The following MAGI2 variants were observed in gnomAD, a reference collection of about 807,000 sequenced individuals.
MAGI2 encodes the protein membrane-associated guanylate kinase, WW and PDZ domain-containing protein 2.
In MAGI2, 35 loss-of-function variants were observed where a neutral mutation model predicts 133.3. That is an observed-to-expected ratio of 0.26 (90% CI 0.20 to 0.35). The LOEUF is 0.35. Among genes scored for constraint, MAGI2 ranks in the 10% least tolerant of loss-of-function variants. The pLI is 1.00. For synonymous variants in MAGI2, 729 were observed against 710.6 expected (o/e 1.03, Z -0.41); for missense variants, 1,636 against 1,863.4 (o/e 0.88, Z 2.25).
chr7:79,271,621 A>G (rs971934767), intron 1 of MAGI2, among the ~76,000 whole-genome samples: 8 of 151,642 alleles, frequency 5.3e-5, no homozygotes, highest in African/African-American at 1.9e-4. Flanking sequence ...TAGGGATAAT[A>G]AGGAAAACAA....
intron 1 of MAGI2, among the ~76,000 whole-genome samples, chr7:79,093,009 A>G (rs1472890631): frequency 1.3e-5 from 2 of 152,186 alleles, no homozygotes; most frequent in Non-Finnish European, 2.9e-5. Context: ...ATAGTTGGCA[A>G]AAGATTATTA....
At chr7:78,284,218 T>A (rs1405848663) in intron 9 of MAGI2, among the ~76,000 whole-genome samples, 1 of 152,128 alleles carries the variant, frequency 6.6e-6, no homozygotes, top group Non-Finnish European at 1.5e-5. Flanking sequence ...AACCTTCCCC[T>A]AGGCAAATGT....
intron 2 of MAGI2, among the ~76,000 whole-genome samples, chr7:78,654,705 A>G (rs35569184): frequency 0.26 from 420 of 1,590 alleles, 7 homozygotes; most frequent in East Asian, 0.39. Context: ...ACATATATGT[A>G]TATATATATA....
At chr7:78,497,554 A>G (rs570104729) in intron 5 of MAGI2, among the ~76,000 whole-genome samples, 1 of 152,294 alleles carries the variant, frequency 6.6e-6, no homozygotes, top group East Asian at 1.9e-4. Flanking sequence ...CTATTTTGCA[A>G]TATCACATAA....
chr7:78,793,099 G>T (rs1787310792), intron 2 of MAGI2, among the ~76,000 whole-genome samples: 1 of 152,162 alleles, frequency 6.6e-6, no homozygotes, highest in African/African-American at 2.4e-5. Context: ...TTTAAGAGTT[G>T]GTGTGCAATT....
chr7:79,397,856 T>C (rs1320503413), intron 1 of MAGI2, among the ~76,000 whole-genome samples: 3 of 152,218 alleles, frequency 2.0e-5, no homozygotes, highest in Non-Finnish European at 4.4e-5. Context: ...TAAGATATCA[T>C]ATATATTTCA....
chr7:78,739,904 A>T (rs1465611110), intron 2 of MAGI2, among the ~76,000 whole-genome samples: 1 of 152,112 alleles, frequency 6.6e-6, no homozygotes, highest in Non-Finnish European at 1.5e-5. Flanking sequence ...CACGCCTGTA[A>T]TCCCAGCACT....
At chr7:78,437,559 G>T (rs1345590260) in intron 6 of MAGI2, among the ~76,000 whole-genome samples, 4 of 152,240 alleles carry the variant, frequency 2.6e-5, no homozygotes, top group African/African-American at 9.6e-5. Context: ...CAGCCTCTGT[G>T]CCCTCATCTT....
At chr7:78,226,119 TGCCA>T (rs1789351462) in intron 10 of MAGI2, among the ~76,000 whole-genome samples, 1 of 152,166 alleles carries the variant, frequency 6.6e-6, no homozygotes, top group African/African-American at 2.4e-5. Flanking sequence ...CATGTCAATT[TGCCA>T]TATGAGTTTT....
chr7:79,120,349 T>A (rs999447895), intron 1 of MAGI2, among the ~76,000 whole-genome samples: 4 of 152,032 alleles, frequency 2.6e-5, no homozygotes, highest in African/African-American at 7.2e-5. Flanking sequence ...AATTTGCAAA[T>A]ACATTTTCAA....
chr7:78,617,415 C>A (rs1807224302), intron 3 of MAGI2: 1 of 152,002 alleles, frequency 6.6e-6, no homozygotes, highest in Admixed American at 6.6e-5. Context: ...CTTATGTGGA[C>A]AATTGATCCT....
At chr7:78,111,071 G>GA in intron 20 of MAGI2, among the ~76,000 whole-genome samples, 1 of 152,136 alleles carries the variant, frequency 6.6e-6, no homozygotes, top group Non-Finnish European at 1.5e-5. Flanking sequence ...TTAGGTCTGG[G>GA]GGAGAGATGG....
At chr7:79,166,610 CAAA>C (rs1041596558) in intron 1 of MAGI2, among the ~76,000 whole-genome samples, 2 of 151,974 alleles carry the variant, frequency 1.3e-5, no homozygotes, top group African/African-American at 2.4e-5. Flanking sequence ...CCAATTCACT[CAAA>C]AGAAGGTTTG....
chr7:78,182,207 A>G (rs1191162819), intron 13 of MAGI2, among the ~76,000 whole-genome samples: 3 of 152,220 alleles, frequency 2.0e-5, no homozygotes, highest in African/African-American at 7.2e-5. Flanking sequence ...TAGGAAAGTT[A>G]GCATGAGGAA....
intron 20 of MAGI2, among the ~76,000 whole-genome samples, chr7:78,112,770 C>G (rs944133135): frequency 6.6e-6 from 1 of 152,332 alleles, no homozygotes. Context: ...AACATGATTC[C>G]TGCTCTTGCA....
intron 1 of MAGI2, among the ~76,000 whole-genome samples, chr7:79,309,638 T>A (rs572988659): frequency 1.3e-5 from 2 of 152,134 alleles, no homozygotes; most frequent in Non-Finnish European, 2.9e-5. Flanking sequence ...AATCTGTCTA[T>A]AAGTATTTAG....
intron 6 of MAGI2, among the ~76,000 whole-genome samples, chr7:78,437,893 A>T (rs1407925475): frequency 1.3e-5 from 2 of 152,218 alleles, no homozygotes; most frequent in Admixed American, 6.5e-5. Context: ...ATTTACCCTT[A>T]TCATTGACTG....
chr7:79,105,162 T>C (rs2129543519), intron 1 of MAGI2, among the ~76,000 whole-genome samples: 1 of 152,346 alleles, frequency 6.6e-6, no homozygotes, highest in South Asian at 2.1e-4. Flanking sequence ...GAGTTTCATA[T>C]TCATCACACA....
At chr7:78,355,055 T>C (rs1461206481) in intron 7 of MAGI2, among the ~76,000 whole-genome samples, 6 of 152,224 alleles carry the variant, frequency 3.9e-5, no homozygotes, top group Non-Finnish European at 7.3e-5. Flanking sequence ...GGGATAGGTA[T>C]TGTGACAGAG....
Sources: allele counts gnomAD v4.1 joint callset (sites outside exome capture counted in the v4.1 genomes callset), GRCh38; gene constraint gnomAD v4.1.1; transcripts MANE v1.5; gene names NCBI Gene and HGNC (gene_info 2026-07-23, HGNC 2026-07-21).